The following DOCK9 variants were observed in gnomAD, a reference collection of about 807,000 sequenced individuals.
DOCK9 encodes dedicator of cytokinesis protein 9.
A neutral mutation model predicts 263.3 loss-of-function variants in DOCK9; 89 were observed. The ratio of observed to expected loss-of-function variants is 0.34; its 90% confidence interval spans 0.28 to 0.40. The LOEUF is 0.40. Among genes scored for constraint, DOCK9 ranks in the 10% least tolerant of loss-of-function variants. The probability of loss-of-function intolerance (pLI) is 1.00; values close to 1 mark genes in which losing one functional copy is unlikely to be tolerated. For synonymous variants in DOCK9, 976 were observed against 973.1 expected (o/e 1.00, Z -0.06); for missense variants, 2,140 against 2,603.4 (o/e 0.82, Z 3.87).
intron 7 of DOCK9, 126 bp from the exon 8 acceptor site, chr13:98,915,629 G>A (rs1180564020): frequency 6.9e-6 from 6 of 865,306 alleles, no homozygotes; most frequent in Non-Finnish European, 1.0e-5. Flanking sequence ...TAAATAGCTT[G>A]CCCCCTCCTC....
chr13:98,869,888 C>G (rs2094143190), intron 27 of DOCK9, among the ~76,000 whole-genome samples: 1 of 152,202 alleles, frequency 6.6e-6, no homozygotes, highest in Non-Finnish European at 1.5e-5. Flanking sequence ...TGGCAGTGAG[C>G]CAGCTTCTCA....
intron 43 of DOCK9, among the ~76,000 whole-genome samples, chr13:98,828,840 C>G (rs2092648911): frequency 6.6e-6 from 1 of 152,186 alleles, no homozygotes; most frequent in African/African-American, 2.4e-5. Context: ...ACACCCAACT[C>G]CCAGCCATGC....
chr13:98,927,583 T>C (rs546145023), intron 3 of DOCK9, among the ~76,000 whole-genome samples: 4 of 152,166 alleles, frequency 2.6e-5, no homozygotes, highest in Non-Finnish European at 4.4e-5. Flanking sequence ...ATTTGTATAT[T>C]ATAAATGCAT....
At chr13:98,877,797 G>A (rs2044107063) in intron 27 of DOCK9, among the ~76,000 whole-genome samples, 1 of 152,056 alleles carries the variant, frequency 6.6e-6, no homozygotes, top group Non-Finnish European at 1.5e-5. Context: ...GTAATCCTTG[G>A]CACCTCAAAC....
upstream of DOCK9, among the ~76,000 whole-genome samples, chr13:98,980,778 C>A (rs1371313510): frequency 6.6e-6 from 1 of 152,186 alleles, no homozygotes; most frequent in Admixed American, 6.5e-5. Context: ...TAGCATCAAC[C>A]ATTCTTCCCT....
At chr13:98,946,048 G>T (rs904074401) in intron 2 of DOCK9, among the ~76,000 whole-genome samples, 2 of 152,204 alleles carry the variant, frequency 1.3e-5, no homozygotes, top group African/African-American at 4.8e-5. Flanking sequence ...GGGGAGACAG[G>T]AGCCCAAAGA....
Position 98,796,500 on chromosome 13 carries a change from T to TA in DOCK9, c.6156+614dup, listed in dbSNP as rs371267258. On this transcript the variant is annotated intron_variant, in intron 52 of 52. Coordinates refer to ENST00000682017, the MANE Select transcript of DOCK9 (RefSeq NM_001366683.2). ...GATGCTGCTCTAGGCATTCCCTGGG[T>TA]ATGGGACACTGTCTCCTCTGTGACA... Among the ~76,000 whole-genome samples, 361 of 152,254 alleles carry TA rather than the reference T, an allele frequency of 2.4e-3. 2 individuals are homozygous for TA. The highest frequency in any genetic ancestry group is 8.3e-3 in the African/African-American group (343 of 41,532).
At chr13:98,951,979 C>A (rs1338367578) in intron 2 of DOCK9, among the ~76,000 whole-genome samples, 1 of 148,042 alleles carries the variant, frequency 6.8e-6, no homozygotes, top group Non-Finnish European at 1.5e-5. Flanking sequence ...CTCACTGCAA[C>A]CTCCACCTCC....
chr13:99,086,459 G>T, exon 1 of DOCK9: 1 of 739,246 alleles, frequency 1.4e-6, no homozygotes, highest in Non-Finnish European at 1.6e-6. Context: ...GCCGCTCCCG[G>T]CGCCGCCGCC....
At chr13:98,965,476 ACATCAGAACCTGTGATTATC>A in intron 1 of DOCK9, among the ~76,000 whole-genome samples, 1 of 152,332 alleles carries the variant, frequency 6.6e-6, no homozygotes, top group African/African-American at 2.4e-5. Context: ...GCTTGTGCAA[ACATCAGAACCTGTGATTATC>A]CAGTCCAGTC....
At chr13:98,911,499 T>C (rs576392662) in intron 9 of DOCK9, among the ~76,000 whole-genome samples, 27 of 152,354 alleles carry the variant, frequency 1.8e-4, no homozygotes, top group African/African-American at 6.5e-4. Flanking sequence ...ATATCTTTTA[T>C]ATCACTATGC....
intron 47 of DOCK9, among the ~76,000 whole-genome samples, chr13:98,808,393 T>C (rs1183925426): frequency 6.6e-6 from 1 of 152,226 alleles, no homozygotes; most frequent in Non-Finnish European, 1.5e-5. Flanking sequence ...CCAATCATGT[T>C]TGACTACAAG....
chr13:98,965,826 C>T (rs1000968402), intron 1 of DOCK9, among the ~76,000 whole-genome samples: 2 of 152,146 alleles, frequency 1.3e-5, no homozygotes, highest in African/African-American at 4.8e-5. Context: ...TTTCATGCTC[C>T]AGTGTGGTGT....
intron 22 of DOCK9, 126 bp from the exon 23 acceptor site, chr13:98,883,257 GT>G (rs1057256727): frequency 5.5e-5 from 49 of 888,078 alleles, no homozygotes; most frequent in Middle Eastern, 2.8e-4. Context: ...TGTTGTTGCT[GT>G]TTTTTTTGAG....
intron 1 of DOCK9, among the ~76,000 whole-genome samples, chr13:98,971,565 G>A (rs1307574602): frequency 7.2e-6 from 1 of 139,206 alleles, no homozygotes; most frequent in East Asian, 2.1e-4. Context: ...AAAACTAGCC[G>A]GGTGTTGTGG....
At chr13:98,808,609 T>TA in intron 47 of DOCK9, 2 of 1,490,846 alleles carry the variant, frequency 1.3e-6, no homozygotes, top group Non-Finnish European at 1.9e-6. Flanking sequence ...TTCACTATAT[T>TA]ACTTGCTTTT....
At position 98,794,721 on chromosome 13, in the gene DOCK9, C is replaced by A; in HGVS notation, c.6184G>T (p.Val2062Phe). ...QICPLEEKTS[V>F]LPNSLHIFNA... ...AAGATGTGAAGGGAATTCGGTAAGA[C>A]GCTCGTCTTCTCCTCCAGGGGGCAG... The change falls in exon 53 of 53, where the codon GTC (valine) becomes TTC (phenylalanine). Residue 2062 changes from valine to phenylalanine, a missense_variant. By Grantham distance (50) the Val-to-Phe change is conservative (BLOSUM62 -1). Transcript: ENST00000682017. 11 of 1,613,942 alleles carry A rather than the reference C, an allele frequency of 6.8e-6. No individual in the cohort carries two copies. Among genetic ancestry groups the A allele is most frequent in the Non-Finnish European group, 9.3e-6 (11 of 1,179,870 alleles).
At chr13:98,879,131 T>C (rs1408776889) in intron 27 of DOCK9, among the ~76,000 whole-genome samples, 1 of 152,232 alleles carries the variant, frequency 6.6e-6, no homozygotes, top group African/African-American at 2.4e-5. Flanking sequence ...CTGCCACTTC[T>C]GTTTACTACA....
intron 1 of DOCK9, among the ~76,000 whole-genome samples, chr13:98,994,490 G>A (rs1369098372): frequency 2.6e-5 from 4 of 152,170 alleles, no homozygotes; most frequent in African/African-American, 7.2e-5. Flanking sequence ...CAGTGCTAAG[G>A]CTGAGAAATG....
Sources: gnomAD v4.1 joint callset for allele counts (sites outside exome capture counted in the v4.1 genomes callset) on GRCh38, gnomAD v4.1.1 for gene constraint, MANE v1.5 for transcripts, NCBI Gene and HGNC (gene_info 2026-07-23, HGNC 2026-07-21) for gene names.